Variants in LINGO2 observed in about 807,000 individuals in gnomAD.
The protein encoded by LINGO2 is leucine rich repeat and Ig domain containing 2.
Under a neutral mutation model 30.6 loss-of-function variants are expected in LINGO2, and 14 were observed. The ratio of observed to expected loss-of-function variants is 0.46; its 90% confidence interval spans 0.30 to 0.72. The LOEUF (loss-of-function observed/expected upper bound fraction) is 0.72. LINGO2 is among the 30% of genes least tolerant of loss of function. The pLI, the probability that LINGO2 is intolerant of heterozygous loss-of-function variation, is 0.07. For missense variants in LINGO2, 729 were observed against 751.7 expected, an observed-to-expected ratio of 0.97 and a Z score of 0.35; for synonymous variants, 317 against 288.5, an observed-to-expected ratio of 1.10 and a Z score of -1.00.
At chr9:29,071,967 G>A in the LINGO2 span, among the ~76,000 whole-genome samples, 1 of 152,016 alleles carries the variant, frequency 6.6e-6, no homozygotes, top group South Asian at 2.1e-4. Flanking sequence ...CTGCCCCTTA[G>A]AAGAAACCTT....
the LINGO2 span, among the ~76,000 whole-genome samples, chr9:28,680,244 C>G: frequency 6.6e-6 from 1 of 152,072 alleles, no homozygotes; most frequent in African/African-American, 2.4e-5. Context: ...GCTTATTTCA[C>G]TTAACACGAT....
At chr9:28,866,679 CA>C in the LINGO2 span, among the ~76,000 whole-genome samples, 1 of 152,008 alleles carries the variant, frequency 6.6e-6, no homozygotes, top group African/African-American at 2.4e-5. Flanking sequence ...TTGCTTTTGC[CA>C]AAAAATTCTG....
rs566696141 is a variant in LINGO2, at chr9:28,629,513, C to T, written c.-365+40687G>A. ...TCTTCATGGTACATATATGTTTTGCCCATCTTTGAATTTGGATATGAACAC... is the reference window on the plus strand; with the variant it reads ...TCTTCATGGTACATATATGTTTTGCTCATCTTTGAATTTGGATATGAACAC... On this transcript the variant is annotated intron_variant, in intron 1 of 5. Transcript: ENST00000379992. 9.9e-5 allele frequency among the ~76,000 whole-genome samples: 15 copies of T among 151,912 alleles called. No individual in the cohort carries two copies. In the South Asian group the frequency reaches 2.7e-3, roughly 27 times the overall value.
intron 4 of LINGO2, among the ~76,000 whole-genome samples, chr9:28,169,146 G>T (rs886298266): frequency 1.3e-5 from 2 of 152,138 alleles, no homozygotes; most frequent in Admixed American, 6.5e-5. Flanking sequence ...AAGGTGTGGA[G>T]ACTTTTATTA....
upstream of LINGO2, among the ~76,000 whole-genome samples, chr9:28,672,226 A>G (rs1317277549): frequency 1.3e-5 from 2 of 152,160 alleles, no homozygotes; most frequent in South Asian, 2.1e-4. Context: ...GAAAAACCCT[A>G]AAACACCAAG....
chr9:28,208,241 C>G (rs1368932758), intron 4 of LINGO2, among the ~76,000 whole-genome samples: 2 of 152,002 alleles, frequency 1.3e-5, no homozygotes. Flanking sequence ...AAAATCACCA[C>G]AAGCCTTAGG....
At chr9:28,714,616 G>A in the LINGO2 span, among the ~76,000 whole-genome samples, 1 of 152,008 alleles carries the variant, frequency 6.6e-6, no homozygotes, top group Non-Finnish European at 1.5e-5. Context: ...GTTTTAATGA[G>A]CAAGATAAAA....
At chr9:28,336,074 A>G (rs1480547205) in intron 3 of LINGO2, among the ~76,000 whole-genome samples, 3 of 152,268 alleles carry the variant, frequency 2.0e-5, no homozygotes, top group South Asian at 4.1e-4. Context: ...GAGATCTAGT[A>G]TCTCAACATC....
the LINGO2 span, among the ~76,000 whole-genome samples, chr9:28,750,733 C>G: frequency 6.6e-6 from 1 of 151,936 alleles, no homozygotes; most frequent in South Asian, 2.1e-4. Flanking sequence ...AATCATTTTA[C>G]CGCATATAAC....
At chr9:28,545,662 G>A (rs1394560412) in intron 1 of LINGO2, among the ~76,000 whole-genome samples, 1 of 151,860 alleles carries the variant, frequency 6.6e-6, no homozygotes, top group Non-Finnish European at 1.5e-5. Flanking sequence ...AAAAAGAGGG[G>A]GGGAACTTTT....
chr9:28,631,744 C>T (rs1037133498), intron 1 of LINGO2, among the ~76,000 whole-genome samples: 2 of 152,072 alleles, frequency 1.3e-5, no homozygotes, highest in Admixed American at 6.6e-5. Flanking sequence ...TGACAGTCCT[C>T]ACTTGTGGAG....
At chr9:28,188,462 G>C (rs950187864) in intron 4 of LINGO2, among the ~76,000 whole-genome samples, 21 of 152,172 alleles carry the variant, frequency 1.4e-4, no homozygotes, top group African/African-American at 5.1e-4. Context: ...CAATTACAAA[G>C]ATGACTGGGC....
At position 28,467,183 on chromosome 9, in the gene LINGO2, G is replaced by A. The variant is rs943771629; in HGVS notation, c.-279+8757C>T. The stretch of plus-strand genomic sequence containing the variant: ...TGGGATTACAGGTACCCACCACCAC[G>A]CCTGGCTAATTTTTTGTATTTTTAG... On this transcript the variant is annotated intron_variant, in intron 2 of 5. Coordinates refer to ENST00000379992, the Ensembl canonical transcript of LINGO2. Among the ~76,000 whole-genome samples the A allele has an allele frequency of 1.4e-4, 21 of 152,032 alleles. No individual in the cohort carries two copies. In the East Asian group the frequency reaches 2.7e-3, roughly 20 times the overall value.
rs545933135 is a variant in LINGO2, at chr9:28,202,566, C to G, written c.-87+92642G>C. Among the ~76,000 whole-genome samples, 9 of 152,158 alleles carry G rather than the reference C, an allele frequency of 5.9e-5. No individual in the cohort carries two copies. In the East Asian group the frequency reaches 1.2e-3, roughly 20 times the overall value. ...AATTCTGTTCCCTCACCCCGTCCCC[C>G]CCGCCAGAAAGGATTTGCACTAACA... On this transcript the variant is annotated intron_variant, in intron 4 of 5. Transcript: ENST00000379992.
At chr9:28,727,988 A>G in the LINGO2 span, among the ~76,000 whole-genome samples, 1 of 152,288 alleles carries the variant, frequency 6.6e-6, no homozygotes, top group African/African-American at 2.4e-5. Flanking sequence ...ATCTCAACAG[A>G]GAGGATCAGT....
At chr9:29,192,283 T>C in the LINGO2 span, among the ~76,000 whole-genome samples, 2 of 152,228 alleles carry the variant, frequency 1.3e-5, no homozygotes, top group African/African-American at 4.8e-5. Context: ...TCAAAGCTCC[T>C]AACAACTTGC....
chr9:28,966,446 A>AT, the LINGO2 span, among the ~76,000 whole-genome samples: 87 of 151,934 alleles, frequency 5.7e-4, no homozygotes, highest in African/African-American at 1.9e-3. Context: ...GGCAGTGGAT[A>AT]TTTTTTTTCC....
intron 4 of LINGO2, among the ~76,000 whole-genome samples, chr9:28,019,039 C>T (rs1822981716): frequency 6.6e-6 from 1 of 152,060 alleles, no homozygotes; most frequent in Non-Finnish European, 1.5e-5. Context: ...AAACCAAATA[C>T]TGCATGTTCT....
chr9:27,949,932 T>C (rs1823558858), exon 6 of LINGO2: 5 of 1,614,100 alleles, frequency 3.1e-6, no homozygotes, highest in Non-Finnish European at 2.5e-6. Context: ...GTTGAGACCG[T>C]AGAGGCTATT....
Sources: allele counts gnomAD v4.1 joint callset (sites outside exome capture counted in the v4.1 genomes callset), GRCh38; gene constraint gnomAD v4.1.1; transcripts MANE v1.5; gene names NCBI Gene and HGNC (gene_info 2026-07-23, HGNC 2026-07-21).